TLK2: variants seen among roughly 807,000 people sequenced by gnomAD.
TLK2 encodes the protein serine/threonine-protein kinase tousled-like 2.
TLK2 carries 6 observed loss-of-function variants against 117.3 expected under a neutral mutation model. The observed-to-expected ratio is 0.05, with a 90% confidence interval of 0.03 to 0.10. The LOEUF (loss-of-function observed/expected upper bound fraction) is 0.10. Ranked by LOEUF, TLK2 falls within the 10% of genes least tolerant of loss-of-function variation. The pLI, the probability that TLK2 is intolerant of heterozygous loss-of-function variation, is 1.00. For missense variants in TLK2, 299 were observed against 901.2 expected, an observed-to-expected ratio of 0.33 and a Z score of 8.56; for synonymous variants, 257 against 316.7, an observed-to-expected ratio of 0.81 and a Z score of 2.00.
intron 2 of TLK2, among the ~76,000 whole-genome samples, chr17:62,494,837 G>A (rs938356931): frequency 2.0e-5 from 3 of 152,162 alleles, no homozygotes; most frequent in Admixed American, 2.0e-4. Context: ...TAATTAACTT[G>A]TTCATTGTGT....
chr17:62,527,587 C>G (rs1417136132), intron 6 of TLK2, among the ~76,000 whole-genome samples: 1 of 151,872 alleles, frequency 6.6e-6, no homozygotes. Flanking sequence ...GTGTCTAGCT[C>G]CTTTTGTTGC....
chr17:62,500,386 G>A (rs1026345050), intron 2 of TLK2, among the ~76,000 whole-genome samples: 1 of 152,144 alleles, frequency 6.6e-6, no homozygotes, highest in African/African-American at 2.4e-5. Flanking sequence ...AATATTGCTA[G>A]GAGTAATGAA....
At chr17:62,592,529 C>T (rs544439609) in intron 16 of TLK2, among the ~76,000 whole-genome samples, 1 of 152,226 alleles carries the variant, frequency 6.6e-6, no homozygotes, top group South Asian at 2.1e-4. Flanking sequence ...ATGGTATAGC[C>T]TACTTACATA....
chr17:62,580,129 G>A lies in TLK2; in HGVS notation c.1305G>A (p.Thr435=), dbSNP rs754009883. 1.6e-5 allele frequency: 25 copies of A among 1,612,550 alleles called. No homozygotes were observed. Among genetic ancestry groups the A allele is most frequent in the South Asian group, 7.7e-5 (7 of 90,818 alleles). Residue 435 remains threonine (T), a synonymous_variant, in exon 15 of 22, where the codon ACG becomes ACA. Coordinates refer to ENST00000346027, the MANE Select transcript of TLK2 (RefSeq NM_006852.6). ...TCCACAGATTTAAAGATCATCCAACGCTAAATGACAGATATTTGTTGTTAC... is the reference window on the plus strand; with the variant it reads ...TCCACAGATTTAAAGATCATCCAACACTAAATGACAGATATTTGTTGTTAC... The part of the protein sequence containing the change: ...EDNSQFKDHP[T]LNDRYLLLHL...
chr17:62,493,572 AT>A (rs2073335104), intron 2 of TLK2, among the ~76,000 whole-genome samples: 1 of 152,204 alleles, frequency 6.6e-6, no homozygotes, highest in Non-Finnish European at 1.5e-5. Flanking sequence ...GGCCTTATTA[AT>A]AAGGGACAGC....
chr17:62,561,818 T>C (rs2079302661), intron 10 of TLK2, among the ~76,000 whole-genome samples: 1 of 152,200 alleles, frequency 6.6e-6, no homozygotes, highest in Admixed American at 6.5e-5. Context: ...TTCTTTGAAG[T>C]TTTAGAATAC....
rs73333615 is a variant in TLK2, at chr17:62,583,061, G to A, written c.1368+2869G>A. 4.8e-3 allele frequency among the ~76,000 whole-genome samples: 729 copies of A among 151,962 alleles called. 4 individuals carry two copies. Among genetic ancestry groups the A allele is most frequent in the African/African-American group, 0.017 (691 of 41,450 alleles). On this transcript the variant is annotated intron_variant, in intron 15 of 21. Coordinates refer to ENST00000346027, the MANE Select transcript of TLK2 (RefSeq NM_006852.6). ...GGGTTGCTTCCATCTCTCGCCTACC[G>A]TGTATAGTGCTGTTGTTTTTGTTTT... is the stretch of plus-strand genomic sequence containing the variant.
chr17:62,596,962 G>T (rs2082524149), intron 17 of TLK2, among the ~76,000 whole-genome samples: 1 of 151,904 alleles, frequency 6.6e-6, no homozygotes, highest in Non-Finnish European at 1.5e-5. Flanking sequence ...TTCCTCCTGT[G>T]TCTAATTTTG....
chr17:62,493,839 C>T (rs1011302196), intron 2 of TLK2, among the ~76,000 whole-genome samples: 2 of 151,978 alleles, frequency 1.3e-5, no homozygotes, highest in Non-Finnish European at 2.9e-5. Flanking sequence ...CTCACTGCAA[C>T]CTCCGCCTCC....
chr17:62,568,649 A>G (rs866808339), intron 11 of TLK2, among the ~76,000 whole-genome samples: 1 of 151,188 alleles, frequency 6.6e-6, no homozygotes, highest in African/African-American at 2.4e-5. Flanking sequence ...CAGTGGTGCA[A>G]TCTCGGCTCA....
rs894466940 is a variant in TLK2 at position 62,565,367 on chromosome 17, A to G, written c.968+230A>G. ...AGTTCCAGAAAATAAATAAAGTATG[A>G]GTTCAGGCCAGGCGCGGTGGCTCAC... On this transcript the variant is annotated intron_variant, in intron 11 of 21. Transcript: ENST00000346027. Among the ~76,000 whole-genome samples, 5 of 152,168 alleles carry G rather than the reference A, an allele frequency of 3.3e-5. 1 individual carries two copies. The South Asian group carries it at 1.0e-3, about 32-fold the overall frequency.
rs1333344515 is a variant in TLK2 at position 62,614,357 on chromosome 17, CAT to C, written c.*1795_*1796del. ...GGTCGCCAGCTTGGAATGTTACTGACATATGTGGCGAGGGCTTAGCCAGAAAT... is the reference window on the plus strand; with the variant it reads ...GGTCGCCAGCTTGGAATGTTACTGACATGTGGCGAGGGCTTAGCCAGAAAT... On this transcript the variant is annotated 3_prime_UTR_variant, in exon 22 of 22. Transcript: ENST00000346027. 2 of 152,176 alleles carry C rather than the reference CAT, an allele frequency of 1.3e-5. No individual in the cohort carries two copies. Among genetic ancestry groups the C allele is most frequent in the Non-Finnish European group, 2.9e-5 (2 of 68,064 alleles). 9.4% of individuals were successfully genotyped at this position (152,176 alleles called of 1,614,324 possible). A position where few individuals can be genotyped will look rare whatever the true frequency, so the allele number is the denominator to read the frequency against.
intron 2 of TLK2, among the ~76,000 whole-genome samples, chr17:62,519,475 G>A (rs1367343401): frequency 6.6e-6 from 1 of 152,066 alleles, no homozygotes; most frequent in Non-Finnish European, 1.5e-5. Context: ...TTGGTTCCTA[G>A]CAATTCCATA....
chr17:62,570,578 C>A (rs1414263556), intron 11 of TLK2, among the ~76,000 whole-genome samples: 5 of 152,126 alleles, frequency 3.3e-5, no homozygotes, highest in African/African-American at 9.7e-5. Context: ...TCTCTTTATT[C>A]TTTTCTTCTT....
At chr17:62,537,363 C>T (rs868222996) in intron 7 of TLK2, among the ~76,000 whole-genome samples, 24 of 152,316 alleles carry the variant, frequency 1.6e-4, no homozygotes, top group Middle Eastern at 3.4e-3. Context: ...AGAGATACAA[C>T]GCTCCTTGAA....
rs1396027796 is a variant in TLK2 at position 62,481,336 on chromosome 17, G to C, written c.81+130G>C. The C allele has an allele frequency of 4.4e-6, 4 of 907,022 alleles. No individual in the cohort carries two copies. In the Admixed American group the frequency reaches 9.6e-5, roughly 22 times the overall value. The allele number at this position is 907,022 out of a possible 1,614,324, so 56.2% of individuals were successfully genotyped here. On this transcript the variant is annotated intron_variant, in intron 2 of 21. Coordinates refer to ENST00000346027, the MANE Select transcript of TLK2 (RefSeq NM_006852.6). The stretch of plus-strand genomic sequence containing the variant: ...AGAAGATTTGGGTCTTAATTTCAGT[G>C]AACTTTTAGATCCTACTGGTCATTC...
intron 11 of TLK2, among the ~76,000 whole-genome samples, chr17:62,568,040 A>G (rs971878251): frequency 3.9e-5 from 6 of 152,226 alleles, no homozygotes; most frequent in Non-Finnish European, 8.8e-5. Context: ...GTTATTCAGT[A>G]TATCACTTTT....
chr17:62,474,522 G>C (rs950588783), upstream of TLK2, among the ~76,000 whole-genome samples: 8 of 151,886 alleles, frequency 5.3e-5, no homozygotes, highest in Admixed American at 3.3e-4. Flanking sequence ...CCATTCTCCT[G>C]CCTCAGCCTC....
At chr17:62,517,993 C>T (rs1036315355) in intron 2 of TLK2, among the ~76,000 whole-genome samples, 2 of 152,196 alleles carry the variant, frequency 1.3e-5, no homozygotes, top group South Asian at 2.1e-4. Context: ...CCATTGCGTC[C>T]GGCATGTAGT....
Sources: gnomAD v4.1 joint callset for allele counts (sites outside exome capture counted in the v4.1 genomes callset) on GRCh38, gnomAD v4.1.1 for gene constraint, MANE v1.5 for transcripts, NCBI Gene and HGNC (gene_info 2026-07-23, HGNC 2026-07-21) for gene names.